The following RASGRF2 variants were observed in gnomAD, a reference collection of about 807,000 sequenced individuals.
RASGRF2 encodes Ras protein specific guanine nucleotide releasing factor 2, also known as ras-specific guanine nucleotide-releasing factor 2.
RASGRF2 carries 76 observed loss-of-function variants against 151.0 expected under a neutral mutation model. The ratio of observed to expected loss-of-function variants is 0.50; its 90% CI spans 0.42 to 0.61. The LOEUF (loss-of-function observed/expected upper bound fraction) is 0.61, where lower values mean the gene tolerates loss of function less well. RASGRF2 is among the 20% of genes least tolerant of loss of function. The pLI is 0.00. For synonymous variants in RASGRF2, 504 were observed against 566.5 expected (o/e 0.89, Z 1.57); for missense variants, 1,148 against 1,564.6 (o/e 0.73, Z 4.49).
intron 1 of RASGRF2, among the ~76,000 whole-genome samples, chr5:80,993,621 A>T (rs562194123): frequency 6.6e-6 from 1 of 152,318 alleles, no homozygotes; most frequent in African/African-American, 2.4e-5. Flanking sequence ...GGCTTTGGGA[A>T]CCAATAAGGC....
intron 2 of RASGRF2, among the ~76,000 whole-genome samples, chr5:81,043,921 T>G (rs1318200544): frequency 6.6e-6 from 1 of 152,248 alleles, no homozygotes; most frequent in Non-Finnish European, 1.5e-5. Context: ...GCACTTGCAT[T>G]GTGTACTGCA....
chr5:81,189,168 C>T (rs7709966), intron 18 of RASGRF2, among the ~76,000 whole-genome samples: 22,700 of 152,126 alleles, frequency 0.15, 1,785 homozygotes, highest in African/African-American at 0.17. Context: ...AGGCCACCTG[C>T]CTGCAGGAAG....
chr5:80,977,059 C>T (rs1266466198), intron 1 of RASGRF2, among the ~76,000 whole-genome samples: 1 of 152,214 alleles, frequency 6.6e-6, no homozygotes, highest in Non-Finnish European at 1.5e-5. Flanking sequence ...ATTGTGACAT[C>T]AAATGGCTGA....
At chr5:81,197,379 C>G (rs935155423) in intron 18 of RASGRF2, among the ~76,000 whole-genome samples, 2 of 143,616 alleles carry the variant, frequency 1.4e-5, no homozygotes. Flanking sequence ...TGGCGTGAAC[C>G]CGGGAAGCGG....
At chr5:81,024,206 T>A (rs1454366487) in intron 1 of RASGRF2, among the ~76,000 whole-genome samples, 4 of 150,558 alleles carry the variant, frequency 2.7e-5, no homozygotes, top group African/African-American at 9.8e-5. Flanking sequence ...TTGGTAAAAT[T>A]CTGCTGAAAA....
At position 81,217,347 on chromosome 5, in the gene RASGRF2, G is replaced by A. The variant is rs750987618; in HGVS notation, c.3435-9G>A. The stretch of plus-strand genomic sequence containing the variant: ...ATGAGTCTCAGAACAGTGCCTCTTG[G>A]TCTTGCAGTTGTAACCCTCCTGCAG... On this transcript the variant is annotated splice_polypyrimidine_tract_variant and intron_variant, in intron 24 of 26. Coordinates refer to ENST00000265080, the MANE Select transcript of RASGRF2 (RefSeq NM_006909.3). 1.9e-6 allele frequency: 3 copies of A among 1,597,008 alleles called. No homozygotes were observed. Among genetic ancestry groups the A allele is most frequent in the South Asian group, 1.1e-5 (1 of 87,422 alleles).
At chr5:81,170,384 T>TC (rs1371889874) in intron 17 of RASGRF2, among the ~76,000 whole-genome samples, 1 of 152,264 alleles carries the variant, frequency 6.6e-6, no homozygotes, top group Admixed American at 6.5e-5. Context: ...GCTGATGGCT[T>TC]CCCAATACCA....
intron 13 of RASGRF2, among the ~76,000 whole-genome samples, chr5:81,111,657 T>C (rs1023881646): frequency 1.3e-5 from 2 of 151,664 alleles, no homozygotes; most frequent in African/African-American, 4.9e-5. Context: ...AATCAGGAAC[T>C]TAGAAAAAGA....
intron 5 of RASGRF2, among the ~76,000 whole-genome samples, chr5:81,073,946 A>T (rs906176574): frequency 2.0e-5 from 3 of 152,146 alleles, no homozygotes; most frequent in African/African-American, 7.2e-5. Flanking sequence ...CTTTACTTGA[A>T]TCTTGGCATC....
chr5:81,069,580 A>C (rs1418421273), intron 3 of RASGRF2, among the ~76,000 whole-genome samples: 1 of 152,206 alleles, frequency 6.6e-6, no homozygotes, highest in Non-Finnish European at 1.5e-5. Flanking sequence ...GTCTGAATGT[A>C]GATTGCAGCA....
chr5:81,151,219 G>A (rs1051836871), intron 17 of RASGRF2, among the ~76,000 whole-genome samples: 10 of 152,262 alleles, frequency 6.6e-5, no homozygotes, highest in Non-Finnish European at 1.3e-4. Flanking sequence ...CAGCCCTCTG[G>A]CCTCTGGAGA....
chr5:81,197,462 CAAAAAAAAAAAAA>C (rs10674027), intron 18 of RASGRF2, among the ~76,000 whole-genome samples: 1 of 63,726 alleles, frequency 1.6e-5, no homozygotes, highest in Admixed American at 2.6e-4. Context: ...GACTCCGTCT[CAAAAAAAAAAAAA>C]AAAAAAAAAA....
intron 1 of RASGRF2, among the ~76,000 whole-genome samples, chr5:81,037,772 A>G (rs1431860555): frequency 1.3e-5 from 2 of 152,192 alleles, no homozygotes; most frequent in Non-Finnish European, 2.9e-5. Flanking sequence ...GTCAAAATAA[A>G]AAGGTTTTTT....
intron 1 of RASGRF2, among the ~76,000 whole-genome samples, chr5:80,982,012 A>G (rs574401246): frequency 6.6e-6 from 1 of 152,386 alleles, no homozygotes; most frequent in African/African-American, 2.4e-5. Flanking sequence ...ATTCACTAGC[A>G]GTGGAGCACT....
intron 5 of RASGRF2, among the ~76,000 whole-genome samples, chr5:81,077,187 A>G (rs142319478): frequency 5.8e-4 from 88 of 152,322 alleles, no homozygotes; most frequent in African/African-American, 2.1e-3. Flanking sequence ...CAGTGAACTG[A>G]AAGATTAGGA....
intron 1 of RASGRF2, among the ~76,000 whole-genome samples, chr5:81,024,564 A>G (rs1004378007): frequency 1.3e-5 from 2 of 152,028 alleles, no homozygotes; most frequent in Non-Finnish European, 2.9e-5. Context: ...CTGGCCTCAT[A>G]TGATTATTGA....
chr5:81,023,288 C>G (rs1554086337), intron 1 of RASGRF2, among the ~76,000 whole-genome samples: 1 of 152,196 alleles, frequency 6.6e-6, no homozygotes, highest in Non-Finnish European at 1.5e-5. Flanking sequence ...AAGACACAAA[C>G]AAGGTCATAA....
At chr5:81,070,414 T>C in intron 3 of RASGRF2, 78 bp from the exon 4 acceptor site, 1 of 1,226,912 alleles carries the variant, frequency 8.2e-7, no homozygotes, top group Non-Finnish European at 1.2e-6. Flanking sequence ...GGACCACCTT[T>C]GTAGGCAGAG....
At chr5:81,072,430 A>C (rs1046567407) in intron 4 of RASGRF2, among the ~76,000 whole-genome samples, 2 of 152,238 alleles carry the variant, frequency 1.3e-5, no homozygotes, top group African/African-American at 4.8e-5. Context: ...TGGAAAAAAT[A>C]AAAAGTGTAA....
Sources: allele counts gnomAD v4.1 joint callset (sites outside exome capture counted in the v4.1 genomes callset), GRCh38; gene constraint gnomAD v4.1.1; transcripts MANE v1.5; gene names NCBI Gene and HGNC (gene_info 2026-07-23, HGNC 2026-07-21).